The following TTC7A variants were observed in gnomAD, a reference collection of about 807,000 sequenced individuals.
TTC7A encodes the protein tetratricopeptide repeat protein 7A.
In TTC7A, 110 loss-of-function variants were observed where a neutral mutation model predicts 103.7. That is an observed-to-expected ratio of 1.06 (90% CI 0.91 to 1.24). TTC7A has a LOEUF of 1.24. Ranked by LOEUF, TTC7A falls within the 50% of genes most tolerant of loss-of-function variation. TTC7A has a pLI of 0.00. For synonymous variants in TTC7A, 521 were observed against 467.9 expected (o/e 1.11, Z -1.47); for missense variants, 1,340 against 1,116.3 (o/e 1.20, Z -2.86).
intron 2 of TTC7A, among the ~76,000 whole-genome samples, chr2:46,928,700 G>A (rs1318472249): frequency 6.6e-6 from 1 of 151,966 alleles, no homozygotes. Context: ...AACACAGGAG[G>A]TTGAGGCTGC....
chr2:47,050,146 CG>C, intron 17 of TTC7A, 100 bp downstream of exon 17: 2 of 1,019,702 alleles, frequency 2.0e-6, no homozygotes, highest in Non-Finnish European at 3.0e-6. Flanking sequence ...CTCTCCCAGC[CG>C]GGCCAAGCCC....
At chr2:47,016,764 A>G (rs1391127305) in intron 11 of TTC7A, among the ~76,000 whole-genome samples, 1 of 152,242 alleles carries the variant, frequency 6.6e-6, no homozygotes, top group African/African-American at 2.4e-5. Flanking sequence ...GAAAGGGCAC[A>G]TGAGGTGCTA....
At chr2:47,027,691 G>A (rs145676836) in intron 14 of TTC7A, among the ~76,000 whole-genome samples, 1 of 152,334 alleles carries the variant, frequency 6.6e-6, no homozygotes, top group East Asian at 1.9e-4. Flanking sequence ...TCAGATGACA[G>A]GCAGCAGGTG....
Position 46,993,496 on chromosome 2 carries a change from G to A in TTC7A, c.811G>A (p.Val271Met), listed in dbSNP as rs1478607583. ...AGAGCTCCGGGAGGTGCTGCGGACT[G>A]TGGAGACCAAAGCAACTCAGAACTT... ...MRELREVLRT[V>M]ETKATQNFKV... Residue 271 changes from valine to methionine, a missense_variant, in exon 6 of 20, where the codon GTG (valine) becomes ATG (methionine). Physicochemically the swap from Val to Met is conservative, Grantham distance 21. Coordinates refer to ENST00000319190, the MANE Select transcript of TTC7A (RefSeq NM_020458.4). 8 of 1,614,176 alleles carry A rather than the reference G, an allele frequency of 5.0e-6. No homozygotes were observed. Among genetic ancestry groups the A allele is most frequent in the African/African-American group, 4.0e-5 (3 of 75,034 alleles).
rs77622088 is a variant in TTC7A, at chr2:47,042,702, G to A, written c.1803-3613G>A. ...TGTGTGTGTGTGTGTGTGTGTGTGT[G>A]TATATATATGTATAAAGTAATTAAG... On this transcript the variant is annotated intron_variant, in intron 15 of 19. Coordinates refer to ENST00000319190, the MANE Select transcript of TTC7A (RefSeq NM_020458.4). Among the ~76,000 whole-genome samples, 807 of 142,722 alleles carry A rather than the reference G, an allele frequency of 5.7e-3. 3 individuals are homozygous for A. The highest frequency in any genetic ancestry group is 0.015 in the Middle Eastern group (4 of 264). The allele number at this position is 142,722 out of a possible 152,430, so 93.6% of individuals were successfully genotyped here. A position where few individuals can be genotyped will look rare whatever the true frequency, so the allele number is the denominator to read the frequency against.
chr2:46,995,592 A>G (rs1163616445), intron 8 of TTC7A, among the ~76,000 whole-genome samples: 2 of 152,220 alleles, frequency 1.3e-5, no homozygotes, highest in Non-Finnish European at 2.9e-5. Flanking sequence ...TGGAGTCAGA[A>G]AGCATGGAAT....
At chr2:46,931,334 C>G (rs1415319153) in intron 2 of TTC7A, among the ~76,000 whole-genome samples, 1 of 152,248 alleles carries the variant, frequency 6.6e-6, no homozygotes, top group Non-Finnish European at 1.5e-5. Context: ...AATCCTCTCG[C>G]CTCAGCTTCT....
intron 19 of TTC7A, among the ~76,000 whole-genome samples, chr2:47,070,833 C>T (rs987179617): frequency 7.9e-5 from 12 of 152,286 alleles, no homozygotes; most frequent in South Asian, 2.1e-4. Context: ...GATGTCTGAT[C>T]ACCATAAACA....
At chr2:46,916,455 G>A (rs1345418703) in exon 1 of TTC7A, 1 of 152,334 alleles carries the variant, frequency 6.6e-6, no homozygotes, top group South Asian at 2.1e-4. Context: ...ATTCAAGAGA[G>A]GACAGATTAC....
chr2:46,973,965 T>C (rs766318413), intron 3 of TTC7A, among the ~76,000 whole-genome samples: 1 of 152,186 alleles, frequency 6.6e-6, no homozygotes, highest in Non-Finnish European at 1.5e-5. Context: ...ATTCCTATCC[T>C]GGAGTCCAGT....
chr2:47,028,683 A>G (rs976326026), intron 14 of TTC7A, among the ~76,000 whole-genome samples: 10 of 152,224 alleles, frequency 6.6e-5, no homozygotes, highest in Admixed American at 6.5e-4. Flanking sequence ...GTCCAGAACC[A>G]GGCTTAATAA....
At chr2:47,024,547 G>A (rs1679672916) in intron 14 of TTC7A, among the ~76,000 whole-genome samples, 188 bp downstream of exon 14, 1 of 152,100 alleles carries the variant, frequency 6.6e-6, no homozygotes, top group Admixed American at 6.5e-5. Context: ...GGTAATGTGG[G>A]TAAAGCCGTG....
chr2:46,985,201 C>G (rs1202279757), intron 5 of TTC7A, among the ~76,000 whole-genome samples: 1 of 152,022 alleles, frequency 6.6e-6, no homozygotes, highest in Non-Finnish European at 1.5e-5. Context: ...CCTTCCTCTT[C>G]TTTCTTCCTG....
chr2:47,011,363 T>G lies in TTC7A; in HGVS notation c.1320T>G (p.Cys440Trp). The G allele has an allele frequency of 1.2e-6, 2 of 1,613,254 alleles. No homozygotes were observed. The highest frequency in any genetic ancestry group is 1.7e-6 in the Non-Finnish European group (2 of 1,179,926). Residue 440 changes from cysteine to tryptophan, a missense_variant, in exon 11 of 20, where the codon TGT (cysteine) becomes TGG (tryptophan). Physicochemically the swap from Cys to Trp is radical, Grantham distance 215 (BLOSUM62 -2). Transcript: ENST00000319190. The stretch of plus-strand genomic sequence containing the variant: ...ACGCTGTGTCCCTGCTGCGGGAGTG[T>G]GTGAAGTTGCGGCCCTCGGACCCCA... ...SAYAVSLLRE[C>W]VKLRPSDPTV...
intron 11 of TTC7A, among the ~76,000 whole-genome samples, chr2:47,014,027 T>C (rs1393802224): frequency 6.6e-6 from 1 of 152,218 alleles, no homozygotes; most frequent in Admixed American, 6.5e-5. Context: ...ATTGTGATCA[T>C]CTGTGTTTCT....
intron 3 of TTC7A, among the ~76,000 whole-genome samples, chr2:46,967,223 T>C (rs1672940070): frequency 6.6e-6 from 1 of 151,872 alleles, no homozygotes; most frequent in African/African-American, 2.4e-5. Flanking sequence ...AAAAAAAAAA[T>C]GTGTTAAATA....
At chr2:46,976,485 A>T (rs1341872157) in intron 4 of TTC7A, among the ~76,000 whole-genome samples, 2 of 152,214 alleles carry the variant, frequency 1.3e-5, no homozygotes, top group Non-Finnish European at 2.9e-5. Context: ...GGGCCGAGAG[A>T]CTAAGAGCCC....
chr2:47,023,333 T>G, intron 12 of TTC7A, 75 bp from the exon 13 acceptor site: 1 of 1,507,162 alleles, frequency 6.6e-7, no homozygotes, highest in Non-Finnish European at 9.2e-7. Context: ...GCTGTGTGCT[T>G]TGAGGATGGT....
Position 46,941,855 on chromosome 2 carries a change from C to T in TTC7A, c.184+130C>T, listed in dbSNP as rs1380016683. 1.5e-5 allele frequency: 18 copies of T among 1,190,900 alleles called. No homozygotes were observed. The highest frequency in any genetic ancestry group is 3.0e-5 in the South Asian group (2 of 66,300). 73.8% of individuals were successfully genotyped at this position (1,190,900 alleles called of 1,614,324 possible). On this transcript the variant is annotated intron_variant, in intron 1 of 19. Coordinates refer to ENST00000319190, the MANE Select transcript of TTC7A (RefSeq NM_020458.4). This position sits in a 1 kb window ranked among gnomAD's most constrained non-coding sequence, Gnocchi z 4.2. The stretch of plus-strand genomic sequence containing the variant: ...CAGCCCACCGTGCTAGTCTTAAGAG[C>T]AGCCAGGGCAGTTAGGAAGGTCCTT...
Sources: gnomAD v4.1 joint callset for allele counts (sites outside exome capture counted in the v4.1 genomes callset) on GRCh38, gnomAD v4.1.1 for gene constraint, Gnocchi (gnomAD v3.1) non-coding constraint, MANE v1.5 for transcripts, NCBI Gene and HGNC (gene_info 2026-07-23, HGNC 2026-07-21) for gene names.